Variants in MYO1E observed in about 807,000 individuals in gnomAD.
MYO1E encodes myosin IE.
In MYO1E, 68 loss-of-function variants were observed where a neutral mutation model predicts 151.1. That is an observed-to-expected ratio of 0.45 (90% CI 0.37 to 0.55). The LOEUF (loss-of-function observed/expected upper bound fraction) is 0.55, where lower values mean the gene tolerates loss of function less well. Ranked by LOEUF, MYO1E falls within the 20% of genes least tolerant of loss-of-function variation. MYO1E has a pLI of 0.00. For synonymous variants in MYO1E, 601 were observed against 501.7 expected, an observed-to-expected ratio of 1.20 and a Z score of -2.64; for missense variants, 1,363 against 1,389.3, an observed-to-expected ratio of 0.98 and a Z score of 0.30.
In MYO1E at chr15:59,135,702, T is replaced by C. The variant is rs1171751261; in HGVS notation, c.*1678A>G. On this transcript the variant is annotated 3_prime_UTR_variant, in exon 28 of 28. Coordinates refer to ENST00000288235, the MANE Select transcript of MYO1E (RefSeq NM_004998.4). ...CGTTTCAAATCTAGATCAATTTTTT[T>C]CCCTTATACGTAAGCCCTGATAATT... is the stretch of plus-strand genomic sequence containing the variant. The C allele has an allele frequency of 6.6e-6, 1 of 152,210 alleles. No homozygotes were observed. The highest frequency in any genetic ancestry group is 2.4e-5 in the African/African-American group (1 of 41,452). 9.4% of individuals were successfully genotyped at this position (152,210 alleles called of 1,614,324 possible). A position where few individuals can be genotyped will look rare whatever the true frequency, so the allele number is the denominator to read the frequency against.
intron 19 of MYO1E, among the ~76,000 whole-genome samples, chr15:59,174,736 A>G (rs1419137178): frequency 1.3e-5 from 2 of 152,186 alleles, no homozygotes; most frequent in African/African-American, 4.8e-5. Context: ...TTCAGTTCCA[A>G]GAAAATATAG....
In MYO1E at chr15:59,365,925, G is replaced by A. The variant is rs1454841048; in HGVS notation, c.3+6573C>T. 3.3e-5 allele frequency among the ~76,000 whole-genome samples: 5 copies of A among 152,134 alleles called. No individual in the cohort carries two copies. The East Asian group carries it at 9.6e-4, about 29-fold the overall frequency. ...TGAGTAATAGGAATGATCACACTGG[G>A]CACTAAGGAGTTAAAAAATAAAAAA... On this transcript the variant is annotated intron_variant, in intron 1 of 27. Coordinates refer to ENST00000288235, the MANE Select transcript of MYO1E (RefSeq NM_004998.4).
intron 16 of MYO1E, among the ~76,000 whole-genome samples, chr15:59,199,224 G>A (rs1420011737): frequency 6.6e-6 from 1 of 152,102 alleles, no homozygotes; most frequent in Non-Finnish European, 1.5e-5. Context: ...AGCCTCCTGA[G>A]TAGCTGGCAT....
At chr15:59,255,482 C>T (rs546494281) in intron 4 of MYO1E, among the ~76,000 whole-genome samples, 1 of 152,236 alleles carries the variant, frequency 6.6e-6, no homozygotes, top group Admixed American at 6.5e-5. Context: ...GCAACCTCCT[C>T]ATCCCAGGCT....
chr15:59,227,370 C>G, intron 7 of MYO1E, 89 bp downstream of exon 7: 1 of 1,514,382 alleles, frequency 6.6e-7, no homozygotes, highest in Non-Finnish European at 9.1e-7. Context: ...CCCTGGCTTC[C>G]TAGACTATAG....
intron 1 of MYO1E, chr15:59,341,210 C>CA (rs1474874407): frequency 3.3e-5 from 5 of 151,934 alleles, no homozygotes; most frequent in African/African-American, 1.2e-4. Flanking sequence ...CTTTGTGTTT[C>CA]AAAAAATCCA....
At chr15:59,160,484 A>C (rs533132658) in intron 24 of MYO1E, among the ~76,000 whole-genome samples, 1 of 151,240 alleles carries the variant, frequency 6.6e-6, no homozygotes, top group Admixed American at 6.6e-5. Flanking sequence ...ATCATGATTT[A>C]CTGCAGCCTT....
At chr15:59,259,155 C>A (rs147568190) in intron 3 of MYO1E, among the ~76,000 whole-genome samples, 208 of 152,266 alleles carry the variant, frequency 1.4e-3, no homozygotes, top group African/African-American at 4.8e-3. Flanking sequence ...ACTTTAGGCA[C>A]TGATGTCACT....
intron 19 of MYO1E, among the ~76,000 whole-genome samples, chr15:59,177,099 C>G (rs1367484190): frequency 6.6e-6 from 1 of 152,094 alleles, no homozygotes; most frequent in Non-Finnish European, 1.5e-5. Context: ...TGCATTGTAC[C>G]GATAAATCAC....
intron 1 of MYO1E, among the ~76,000 whole-genome samples, chr15:59,347,257 A>G (rs1233093736): frequency 2.6e-5 from 4 of 152,204 alleles, no homozygotes; most frequent in African/African-American, 9.6e-5. Context: ...GAATATACGC[A>G]GGATCCAGGC....
At chr15:59,176,908 A>G (rs544825823) in intron 19 of MYO1E, among the ~76,000 whole-genome samples, 1 of 152,322 alleles carries the variant, frequency 6.6e-6, no homozygotes, top group East Asian at 1.9e-4. Context: ...AATAATGGTA[A>G]TAACACAATT....
At chr15:59,201,546 A>T (rs1277382352) in intron 16 of MYO1E, among the ~76,000 whole-genome samples, 1 of 151,770 alleles carries the variant, frequency 6.6e-6, no homozygotes, top group South Asian at 2.1e-4. Flanking sequence ...CTGGGATTAC[A>T]CTCACGTGCC....
At chr15:59,233,682 A>T (rs1385285531) in intron 5 of MYO1E, among the ~76,000 whole-genome samples, 1 of 150,462 alleles carries the variant, frequency 6.6e-6, no homozygotes, top group African/African-American at 2.4e-5. Context: ...AAAAAAAAAA[A>T]AAAGGCAGCA....
intron 1 of MYO1E, among the ~76,000 whole-genome samples, chr15:59,342,044 T>C (rs2080768693): frequency 6.6e-6 from 1 of 152,222 alleles, no homozygotes; most frequent in Admixed American, 6.5e-5. Context: ...CATTCATTAT[T>C]GCCCGTCTTC....
At chr15:59,286,432 C>T (rs1007098816) in intron 1 of MYO1E, among the ~76,000 whole-genome samples, 1 of 152,154 alleles carries the variant, frequency 6.6e-6, no homozygotes, top group Non-Finnish European at 1.5e-5. Flanking sequence ...TTTCTCATCT[C>T]TGTCTTTTAA....
chr15:59,218,177 A>G lies in MYO1E; in HGVS notation c.911-90T>C, dbSNP rs1280646504. On this transcript the variant is annotated intron_variant, in intron 9 of 27. Coordinates refer to ENST00000288235, the MANE Select transcript of MYO1E (RefSeq NM_004998.4). The stretch of plus-strand genomic sequence containing the variant: ...AACATATGGAGGCACTTATGTGCAC[A>G]TGCACGTGTGTGTGCATAGAAGGCA... 2.7e-6 allele frequency: 4 copies of G among 1,471,668 alleles called. No homozygotes were observed. The African/African-American group carries it at 4.2e-5, about 15-fold the overall frequency. The allele number at this position is 1,471,668 out of a possible 1,614,324, so 91.2% of individuals were successfully genotyped here. A position where few individuals can be genotyped will look rare whatever the true frequency, so the allele number is the denominator to read the frequency against.
At chr15:59,138,468 C>G (rs976692314) in intron 26 of MYO1E, 101 bp from the exon 27 acceptor site, 10 of 1,281,426 alleles carry the variant, frequency 7.8e-6, no homozygotes, top group Non-Finnish European at 1.1e-5. Context: ...TGTTCAAGTT[C>G]AAATCCAGCT....
At chr15:59,191,546 C>G (rs546636361) in intron 17 of MYO1E, among the ~76,000 whole-genome samples, 1 of 152,222 alleles carries the variant, frequency 6.6e-6, no homozygotes, top group South Asian at 2.1e-4. Context: ...ACTGGCTTCA[C>G]GCCAAGCTTT....
At chr15:59,317,588 C>T (rs1179681226) in intron 1 of MYO1E, among the ~76,000 whole-genome samples, 1 of 149,544 alleles carries the variant, frequency 6.7e-6, no homozygotes, top group Non-Finnish European at 1.5e-5. Flanking sequence ...AGGGGCAGTG[C>T]TGATAGTTTC....
Sources: allele counts gnomAD v4.1 joint callset (sites outside exome capture counted in the v4.1 genomes callset), GRCh38; gene constraint gnomAD v4.1.1; transcripts MANE v1.5; gene names NCBI Gene and HGNC (gene_info 2026-07-23, HGNC 2026-07-21).